CYP2S1: variants seen among roughly 807,000 people sequenced by gnomAD.
CYP2S1 encodes cytochrome P450 2S1.
A neutral mutation model predicts 43.5 loss-of-function variants in CYP2S1; 32 were observed. The ratio of observed to expected loss-of-function variants is 0.74; its 90% confidence interval spans 0.56 to 0.99. The LOEUF (loss-of-function observed/expected upper bound fraction) is 0.99, where lower values mean the gene tolerates loss of function less well. Among genes scored for constraint, CYP2S1 ranks in the 50% least tolerant of loss-of-function variants. The pLI is 0.00. For synonymous variants in CYP2S1, 283 were observed against 302.9 expected, an observed-to-expected ratio of 0.93 and a Z score of 0.68; for missense variants, 575 against 673.9, an observed-to-expected ratio of 0.85 and a Z score of 1.62.
At position 41,206,642 on chromosome 19, in the gene CYP2S1, G is replaced by T. The variant is rs759029586; in HGVS notation, c.*154G>T. 1.4e-5 allele frequency: 13 copies of T among 957,654 alleles called. No homozygotes were observed. Among genetic ancestry groups the T allele is most frequent in the East Asian group, 2.4e-5 (1 of 42,000 alleles). 59.3% of individuals were successfully genotyped at this position (957,654 alleles called of 1,614,324 possible). ...CCGGAGTCTGTCCCACGGCCCACAC[G>T]CTCACTTGACTCATGCTGCTAAGAT... On this transcript the variant is annotated 3_prime_UTR_variant, in exon 9 of 9. Coordinates refer to ENST00000310054, the MANE Select transcript of CYP2S1 (RefSeq NM_030622.8).
At position 41,206,269 on chromosome 19, in the gene CYP2S1, C is replaced by G. The variant is rs1352107215; in HGVS notation, c.1307-11C>G. 6.2e-7 allele frequency: 1 copy of G among 1,614,006 alleles called. No homozygotes were observed. The highest frequency in any genetic ancestry group is 2.2e-5 in the East Asian group (1 of 44,870). ...CTGACTCAGCCCTCTCTCTCTCTCT[C>G]TCCTCACCAGGGAAGCGTGTCTGCC... On this transcript the variant is annotated splice_polypyrimidine_tract_variant and intron_variant, in intron 8 of 8. Coordinates refer to ENST00000310054, the MANE Select transcript of CYP2S1 (RefSeq NM_030622.8).
intron 5 of CYP2S1, among the ~76,000 whole-genome samples, chr19:41,199,810 A>G (rs889084545): frequency 6.6e-6 from 1 of 152,026 alleles, no homozygotes; most frequent in African/African-American, 2.4e-5. Context: ...ACTAAAAAAA[A>G]AAATACAAAA....
Position 41,207,112 on chromosome 19 carries a change from TCCCACTGAGACACGCCGCC to T in CYP2S1, c.*630_*648del. On this transcript the variant is annotated 3_prime_UTR_variant, in exon 9 of 9. Coordinates refer to ENST00000310054, the MANE Select transcript of CYP2S1 (RefSeq NM_030622.8). ...ATCGTCCTGGCTCCCCAGAGTATCTTCCCACTGAGACACGCCGCCCCCACAGAGGCACAGTCCCCAGCCA... is the reference window on the plus strand; with the variant it reads ...ATCGTCCTGGCTCCCCAGAGTATCTTCCCACAGAGGCACAGTCCCCAGCCA... 2 of 308,312 alleles carry T rather than the reference TCCCACTGAGACACGCCGCC, an allele frequency of 6.5e-6. No homozygotes were observed. Among genetic ancestry groups the T allele is most frequent in the Non-Finnish European group, 1.3e-5 (2 of 156,304 alleles). The allele number at this position is 308,312 out of a possible 1,614,324, so 19.1% of individuals were successfully genotyped here. A position where few individuals can be genotyped will look rare whatever the true frequency, so the allele number is the denominator to read the frequency against.
At chr19:41,196,485 G>A (rs1019583332) in intron 2 of CYP2S1, among the ~76,000 whole-genome samples, 2 of 152,150 alleles carry the variant, frequency 1.3e-5, no homozygotes, top group African/African-American at 2.4e-5. Flanking sequence ...CAGGGTGATA[G>A]GGAGGATCCA....
chr19:41,198,359 T>C lies in CYP2S1; in HGVS notation c.494-103T>C. 6.8e-7 allele frequency: 1 copy of C among 1,480,774 alleles called. No homozygotes were observed. Among genetic ancestry groups the C allele is most frequent in the African/African-American group, 1.4e-5 (1 of 72,276 alleles). 91.7% of individuals were successfully genotyped at this position (1,480,774 alleles called of 1,614,324 possible). On this transcript the variant is annotated intron_variant, in intron 3 of 8. Transcript: ENST00000310054. The surrounding 1 kb of genome is among the most constrained non-coding windows in gnomAD (Gnocchi z 4.9). ...GCTCTCTCCCTGCGCTGTCCATCCATCTTTCCCTGCCTCCCTGTCTCTCTC... is the reference window on the plus strand; with the variant it reads ...GCTCTCTCCCTGCGCTGTCCATCCACCTTTCCCTGCCTCCCTGTCTCTCTC...
At chr19:41,206,216 C>A (rs772269085) in intron 8 of CYP2S1, 64 bp from the exon 9 acceptor site, 1 of 1,610,488 alleles carries the variant, frequency 6.2e-7, no homozygotes. Flanking sequence ...ACCTGCTGTT[C>A]CCCCCGTGGG....
At chr19:41,206,232 G>A in intron 8 of CYP2S1, 48 bp from the exon 9 acceptor site, 1 of 1,612,456 alleles carries the variant, frequency 6.2e-7, no homozygotes, top group Non-Finnish European at 8.5e-7. Flanking sequence ...GTGGGCCTGG[G>A]TGTGAGGAAT....
chr19:41,197,713 AAG>A, intron 2 of CYP2S1, 64 bp from the exon 3 acceptor site: 2 of 1,577,762 alleles, frequency 1.3e-6, no homozygotes, highest in Non-Finnish European at 1.7e-6. Context: ...AAAAAAAAGA[AAG>A]AAAGGAAGAA....
At chr19:41,199,201 C>T (rs2033457089) in intron 5 of CYP2S1, among the ~76,000 whole-genome samples, 1 of 152,092 alleles carries the variant, frequency 6.6e-6, no homozygotes, top group Non-Finnish European at 1.5e-5. Flanking sequence ...TGCCCAGGGT[C>T]CTACACCAGC....
intron 2 of CYP2S1, among the ~76,000 whole-genome samples, chr19:41,195,399 A>G (rs892068870): frequency 1.4e-4 from 21 of 152,260 alleles, no homozygotes; most frequent in South Asian, 1.0e-3. Context: ...TAACTAAGAC[A>G]GCACCGGTGC....
intron 2 of CYP2S1, among the ~76,000 whole-genome samples, chr19:41,195,206 C>A (rs2033396628): frequency 6.6e-6 from 1 of 152,172 alleles, no homozygotes. Flanking sequence ...TCACTAATCA[C>A]CAGGTTGTAG....
intron 2 of CYP2S1, among the ~76,000 whole-genome samples, chr19:41,195,329 T>C (rs2033397817): frequency 6.6e-6 from 1 of 152,160 alleles, no homozygotes; most frequent in East Asian, 1.9e-4. Context: ...ATAGAAACAG[T>C]TCTCTGTATT....
chr19:41,199,065 TC>T (rs2033454946), intron 5 of CYP2S1, among the ~76,000 whole-genome samples, 177 bp downstream of exon 5: 2 of 152,162 alleles, frequency 1.3e-5, no homozygotes, highest in African/African-American at 4.8e-5. Flanking sequence ...CATCTGTCTG[TC>T]CCTTTCAGGG....
chr19:41,195,603 C>T (rs946300224), intron 2 of CYP2S1, among the ~76,000 whole-genome samples: 7 of 152,100 alleles, frequency 4.6e-5, no homozygotes, highest in South Asian at 2.1e-4. Context: ...GTACCTGACC[C>T]GGCATGTTTG....
In CYP2S1 at chr19:41,198,729, G is replaced by A; in HGVS notation, c.675G>A (p.Trp225Ter). Residue 225 changes from tryptophan (W) to a stop codon, truncating the protein, a stop_gained, in exon 5 of 9, where the codon TGG (tryptophan) becomes TGA (stop). Coordinates refer to ENST00000310054, the MANE Select transcript of CYP2S1 (RefSeq NM_030622.8). LOFTEE classifies it high-confidence loss of function. The surrounding 1 kb of genome is among the most constrained non-coding windows in gnomAD (Gnocchi z 4.9). The stretch of plus-strand genomic sequence containing the variant: ...CACAGACCTACGAGATGTTCTCCTG[G>A]TTCCTGCGGCCCCTGCCAGGCCCCC... ...QGGQTYEMFS[W>*]FLRPLPGPHK... is the part of the protein sequence containing the mutation. The A allele has an allele frequency of 6.2e-7, 1 of 1,614,064 alleles. No individual in the cohort carries two copies. The highest frequency in any genetic ancestry group is 1.1e-5 in the South Asian group (1 of 91,078).
Position 41,193,234 on chromosome 19 carries a change from C to G in CYP2S1, c.-31C>G. On this transcript the variant is annotated 5_prime_UTR_variant, in exon 1 of 9. Transcript: ENST00000310054. ...TAACTAGCCCAGCCGCGCGGAGCGCCTGGGAGAGGAGAAGGAGCCGACCTG... is the reference window on the plus strand; with the variant it reads ...TAACTAGCCCAGCCGCGCGGAGCGCGTGGGAGAGGAGAAGGAGCCGACCTG... The G allele has an allele frequency of 6.6e-7, 1 of 1,509,694 alleles. No individual in the cohort carries two copies. Among genetic ancestry groups the G allele is most frequent in the Non-Finnish European group, 8.8e-7 (1 of 1,135,250 alleles). 93.5% of individuals were successfully genotyped at this position (1,509,694 alleles called of 1,614,324 possible).
chr19:41,205,909 T>C, intron 7 of CYP2S1, 49 bp from the exon 8 acceptor site: 1 of 1,592,308 alleles, frequency 6.3e-7, no homozygotes, highest in Non-Finnish European at 8.6e-7. Flanking sequence ...GAGGACCAAA[T>C]GGACTGGGGT....
chr19:41,199,730 C>T (rs1349416546), intron 5 of CYP2S1, among the ~76,000 whole-genome samples: 2 of 151,784 alleles, frequency 1.3e-5, no homozygotes, highest in African/African-American at 2.4e-5. Context: ...TTTGGGAGGC[C>T]GAGACGGGCG....
In CYP2S1 at chr19:41,198,633, G is replaced by A. The variant is rs1017599712; in HGVS notation, c.654+11G>A. The stretch of plus-strand genomic sequence containing the variant: ...TCCCAGGGGGGTCAGGTGAGTGGGT[G>A]GGACCCCTCTCCAACTACCTTCCCT... On this transcript the variant is annotated intron_variant, in intron 4 of 8. Transcript: ENST00000310054. This position sits in a 1 kb window ranked among gnomAD's most constrained non-coding sequence, Gnocchi z 4.9. 5.6e-6 allele frequency: 9 copies of A among 1,613,774 alleles called. No homozygotes were observed. The African/African-American group carries it at 9.3e-5, about 17-fold the overall frequency.
Sources: gnomAD v4.1 joint callset for allele counts (sites outside exome capture counted in the v4.1 genomes callset) on GRCh38, gnomAD v4.1.1 for gene constraint, Gnocchi (gnomAD v3.1) non-coding constraint, MANE v1.5 for transcripts, NCBI Gene and HGNC (gene_info 2026-07-23, HGNC 2026-07-21) for gene names.